The following LIN7A variants were observed in gnomAD, a reference collection of about 807,000 sequenced individuals.
LIN7A encodes lin-7 cell polarity scaffold A, also known as protein lin-7 homolog A.
Under a neutral mutation model 29.8 loss-of-function variants are expected in LIN7A, and 25 were observed. The observed-to-expected ratio is 0.84, with a 90% CI of 0.61 to 1.17. The LOEUF (loss-of-function observed/expected upper bound fraction) is 1.17. Ranked by LOEUF, LIN7A falls within the 50% of genes most tolerant of loss-of-function variation. The pLI is 0.00. For missense variants in LIN7A, 239 were observed against 287.0 expected (o/e 0.83, Z 1.21); for synonymous variants, 118 against 107.5 (o/e 1.10, Z -0.60).
chr12:80,873,613 A>G (rs1025614561), intron 2 of LIN7A, among the ~76,000 whole-genome samples: 1 of 152,090 alleles, frequency 6.6e-6, no homozygotes, highest in Non-Finnish European at 1.5e-5. Flanking sequence ...TTTAACATGA[A>G]AAATGTACAC....
At chr12:80,807,077 T>TTTTTTTTTTTTTGTTG (rs1555221365) in intron 5 of LIN7A, among the ~76,000 whole-genome samples, 3 of 115,538 alleles carry the variant, frequency 2.6e-5, no homozygotes, top group African/African-American at 9.7e-5. Flanking sequence ...TTTTTTTTTT[T>TTTTTTTTTTTTTGTTG]TTTTTTTTTT....
At chr12:80,807,545 C>G (rs545925596) in intron 5 of LIN7A, among the ~76,000 whole-genome samples, 1 of 152,264 alleles carries the variant, frequency 6.6e-6, no homozygotes, top group South Asian at 2.1e-4. Flanking sequence ...TTTCAAAATA[C>G]TTGCACAATT....
chr12:80,907,895 T>C (rs1257849425), intron 1 of LIN7A, among the ~76,000 whole-genome samples: 4 of 152,178 alleles, frequency 2.6e-5, no homozygotes, highest in Non-Finnish European at 5.9e-5. Flanking sequence ...TAAATTCTTC[T>C]GTGTGCTTGA....
chr12:80,863,028 C>A (rs978610947), intron 2 of LIN7A, among the ~76,000 whole-genome samples: 7 of 152,202 alleles, frequency 4.6e-5, no homozygotes, highest in African/African-American at 1.7e-4. Flanking sequence ...GGTAAATGCA[C>A]CACGCTTGGC....
chr12:80,844,163 A>G (rs1872952609), intron 4 of LIN7A, among the ~76,000 whole-genome samples: 1 of 152,128 alleles, frequency 6.6e-6, no homozygotes, highest in South Asian at 2.1e-4. Flanking sequence ...ACCTAGCTCT[A>G]GAGTCCTCTA....
intron 1 of LIN7A, among the ~76,000 whole-genome samples, chr12:80,913,735 G>A (rs1369726103): frequency 3.3e-5 from 5 of 152,058 alleles, no homozygotes; most frequent in Admixed American, 6.5e-5. Context: ...GATGCTAGTC[G>A]AATAAAACAT....
chr12:80,808,536 C>T (rs375706433), intron 5 of LIN7A, among the ~76,000 whole-genome samples: 2 of 145,222 alleles, frequency 1.4e-5, no homozygotes, highest in East Asian at 2.0e-4. Context: ...GATAGAGTCT[C>T]GCTCTGTCAC....
At chr12:80,858,593 C>T (rs1194939330) in intron 2 of LIN7A, among the ~76,000 whole-genome samples, 1 of 151,574 alleles carries the variant, frequency 6.6e-6, no homozygotes, top group Non-Finnish European at 1.5e-5. Flanking sequence ...CAGTCAGAAT[C>T]CTCTGTGACA....
chr12:80,874,080 T>C (rs1358020996), intron 2 of LIN7A, among the ~76,000 whole-genome samples: 2 of 152,158 alleles, frequency 1.3e-5, no homozygotes, highest in African/African-American at 4.8e-5. Context: ...TTCAAAAGTT[T>C]CCAAGTATCG....
intron 4 of LIN7A, 86 bp downstream of exon 4, chr12:80,845,644 T>G: frequency 9.6e-7 from 1 of 1,039,772 alleles, no homozygotes; most frequent in Admixed American, 2.4e-5. Flanking sequence ...TTATTCTAGG[T>G]TTTCAACGTT....
At chr12:80,818,676 A>G (rs1871651388) in intron 4 of LIN7A, among the ~76,000 whole-genome samples, 1 of 152,200 alleles carries the variant, frequency 6.6e-6, no homozygotes, top group South Asian at 2.1e-4. Flanking sequence ...ATAGAGACCT[A>G]GGCTCTTCCC....
intron 5 of LIN7A, among the ~76,000 whole-genome samples, chr12:80,803,708 C>A (rs1870831398): frequency 6.6e-6 from 1 of 152,084 alleles, no homozygotes; most frequent in Non-Finnish European, 1.5e-5. Context: ...AATTCTACAG[C>A]ATTATAGGAA....
rs187147734 is a variant in LIN7A at position 80,854,461 on chromosome 12, G to T, written c.202-6139C>A. On this transcript the variant is annotated intron_variant, in intron 2 of 5. Transcript: ENST00000552864. ...TACTCATATATACAGCAGTGTAGAT[G>T]AATCTGAAATGCATGTTGCTAAGCC... Among the ~76,000 whole-genome samples the T allele has an allele frequency of 8.5e-3, 854 of 100,480 alleles. 40 individuals carry two copies. The Admixed American group carries it at 0.11, about 13-fold the overall frequency. 65.9% of individuals were successfully genotyped at this position (100,480 alleles called of 152,430 possible). A position where few individuals can be genotyped will look rare whatever the true frequency, so the allele number is the denominator to read the frequency against.
intron 4 of LIN7A, among the ~76,000 whole-genome samples, chr12:80,818,675 T>G (rs559994991): frequency 1.3e-5 from 2 of 152,318 alleles, no homozygotes; most frequent in African/African-American, 4.8e-5. Context: ...TATAGAGACC[T>G]AGGCTCTTCC....
At chr12:80,841,286 G>GAGAAAGAA (rs1251747703) in intron 4 of LIN7A, among the ~76,000 whole-genome samples, 1 of 149,560 alleles carries the variant, frequency 6.7e-6, no homozygotes, top group African/African-American at 2.5e-5. Flanking sequence ...GTGAGACCAT[G>GAGAAAGAA]AGAAAGAAAG....
At position 80,911,756 on chromosome 12, in the gene LIN7A, T is replaced by C. The variant is rs528413787; in HGVS notation, c.83-22387A>G. On this transcript the variant is annotated intron_variant, in intron 1 of 5. Transcript: ENST00000552864. The stretch of plus-strand genomic sequence containing the variant: ...CCATTTGAGAGAAGATTAAATAAGC[T>C]TAGCTTTGTTTTATCTTTTGAACAA... 1.5e-4 allele frequency among the ~76,000 whole-genome samples: 23 copies of C among 152,316 alleles called. No homozygotes were observed. In the South Asian group the frequency reaches 4.1e-3, roughly 27 times the overall value.
rs960396384 is a variant in LIN7A at position 80,843,414 on chromosome 12, T to C, written c.483+2316A>G. Among the ~76,000 whole-genome samples, 7 of 152,156 alleles carry C rather than the reference T, an allele frequency of 4.6e-5. No homozygotes were observed. In the East Asian group the frequency reaches 1.3e-3, roughly 29 times the overall value. ...TAAGGTTATGATTAGAACACCTAAA[T>C]GGACAGAGACCTGGGGTTGTATCAA... On this transcript the variant is annotated intron_variant, in intron 4 of 5. Transcript: ENST00000552864.
chr12:80,873,764 T>C (rs1874541164), intron 2 of LIN7A, among the ~76,000 whole-genome samples: 1 of 152,040 alleles, frequency 6.6e-6, no homozygotes, highest in Non-Finnish European at 1.5e-5. Context: ...GGGGGGTCTC[T>C]AATCCCTCAC....
At chr12:80,806,664 C>T (rs1201598528) in intron 5 of LIN7A, among the ~76,000 whole-genome samples, 1 of 152,170 alleles carries the variant, frequency 6.6e-6, no homozygotes, top group Non-Finnish European at 1.5e-5. Flanking sequence ...ACCTGAGATG[C>T]TTAAAGTCTA....
Sources: gnomAD v4.1 joint callset for allele counts (sites outside exome capture counted in the v4.1 genomes callset) on GRCh38, gnomAD v4.1.1 for gene constraint, MANE v1.5 for transcripts, NCBI Gene and HGNC (gene_info 2026-07-23, HGNC 2026-07-21) for gene names.